The following FAM13A variants were observed in gnomAD, a reference collection of about 807,000 sequenced individuals.
FAM13A encodes family with sequence similarity 13 member A.
FAM13A carries 76 observed loss-of-function variants against 129.6 expected under a neutral mutation model. The ratio of observed to expected loss-of-function variants is 0.59; its 90% CI spans 0.49 to 0.71. The LOEUF is 0.71. Ranked by LOEUF, FAM13A falls within the 30% of genes least tolerant of loss-of-function variation. The pLI, the probability that FAM13A is intolerant of heterozygous loss-of-function variation, is 0.00. For synonymous variants in FAM13A, 443 were observed against 449.9 expected, an observed-to-expected ratio of 0.98 and a Z score of 0.20; for missense variants, 1,108 against 1,249.3, an observed-to-expected ratio of 0.89 and a Z score of 1.70.
intron 3 of FAM13A, among the ~76,000 whole-genome samples, chr4:89,013,692 A>G (rs1188271990): frequency 6.6e-6 from 1 of 152,226 alleles, no homozygotes; most frequent in African/African-American, 2.4e-5. Context: ...CCAGTCCTAT[A>G]AAAGTATAGC....
At chr4:89,035,948 A>G (rs60591238) in intron 1 of FAM13A, among the ~76,000 whole-genome samples, 21,745 of 152,184 alleles carry the variant, frequency 0.14, 1,730 homozygotes, top group Non-Finnish European at 0.18. Flanking sequence ...CCAGGTACAG[A>G]ATGATATAAT....
intron 11 of FAM13A, 129 bp downstream of exon 11, chr4:88,781,036 T>C: frequency 4.0e-6 from 2 of 496,080 alleles, no homozygotes; most frequent in Non-Finnish European, 7.0e-6. Flanking sequence ...TATATACACT[T>C]AGTAGCTCTA....
chr4:88,861,162 C>T (rs1739424101), intron 6 of FAM13A, among the ~76,000 whole-genome samples: 1 of 151,836 alleles, frequency 6.6e-6, no homozygotes. Flanking sequence ...GGGCAAATCA[C>T]CTGAGGTCAG....
At chr4:88,911,176 A>G (rs963323844) in intron 5 of FAM13A, among the ~76,000 whole-genome samples, 13 of 152,096 alleles carry the variant, frequency 8.5e-5, no homozygotes, top group Non-Finnish European at 1.3e-4. Flanking sequence ...TCCCTTTATG[A>G]TCCTTCGTTC....
At chr4:88,937,839 A>G in intron 5 of FAM13A, 1 of 544,970 alleles carries the variant, frequency 1.8e-6, no homozygotes, top group East Asian at 3.0e-5. Flanking sequence ...CACTGGGCTC[A>G]TGCAAGTGTT....
rs185409230 is a variant in FAM13A at position 88,767,519 on chromosome 4, G to A, written c.1578+34C>T. ...CACTCAAGAGTGTATGAACAGCCCC[G>A]TCACAGTCTTACTCTTGCTTGTTAG... is the stretch of plus-strand genomic sequence containing the variant. On this transcript the variant is annotated intron_variant, in intron 13 of 23. Coordinates refer to ENST00000264344, the MANE Select transcript of FAM13A (RefSeq NM_014883.4). The A allele has an allele frequency of 7.5e-4, 1,155 of 1,547,060 alleles. 4 individuals carry two copies. Among genetic ancestry groups the A allele is most frequent in the African/African-American group, 3.2e-3 (229 of 72,490 alleles).
chr4:89,035,198 G>C lies in FAM13A; in HGVS notation c.28-5549C>G, dbSNP rs569794048. 2.0e-5 allele frequency among the ~76,000 whole-genome samples: 3 copies of C among 152,164 alleles called. No homozygotes were observed. The East Asian group carries it at 5.8e-4, about 29-fold the overall frequency. ...GGGTACAGAAAAAGGGAGGAGAGAG[G>C]GAGAGGGAAAAGGGCTGAAAAAGTT... On this transcript the variant is annotated intron_variant, in intron 1 of 23. Coordinates refer to ENST00000264344, the MANE Select transcript of FAM13A (RefSeq NM_014883.4).
intron 3 of FAM13A, among the ~76,000 whole-genome samples, chr4:89,019,431 T>TCAATAATGAC (rs2149105461): frequency 6.6e-6 from 1 of 152,254 alleles, no homozygotes; most frequent in Admixed American, 6.5e-5. Context: ...GAGGGAGAAC[T>TCAATAATGAC]CAATAATGAC....
chr4:88,867,144 A>C (rs2150061203), intron 6 of FAM13A, among the ~76,000 whole-genome samples: 1 of 152,276 alleles, frequency 6.6e-6, no homozygotes, highest in African/African-American at 2.4e-5. Flanking sequence ...ATCAAGACAT[A>C]ATGTTGTTTT....
rs34007551 is a variant in FAM13A at position 88,739,786 on chromosome 4, C to CAAAAAA, written c.2467-667_2467-662dup. 8.2e-3 allele frequency among the ~76,000 whole-genome samples: 559 copies of CAAAAAA among 67,886 alleles called. 18 individuals are homozygous for CAAAAAA. Among genetic ancestry groups the CAAAAAA allele is most frequent in the African/African-American group, 0.03 (529 of 17,598 alleles). The allele number at this position is 67,886 out of a possible 152,430, so 44.5% of individuals were successfully genotyped here. ...TGGGTGACAGAGAAAGACTCTGTCTCAAAAAAAAAAAAAAAAAAAAATACA... is the reference window on the plus strand; with the variant it reads ...TGGGTGACAGAGAAAGACTCTGTCTCAAAAAAAAAAAAAAAAAAAAAAAAAAATACA... On this transcript the variant is annotated intron_variant, in intron 19 of 23. Coordinates refer to ENST00000264344, the MANE Select transcript of FAM13A (RefSeq NM_014883.4).
intron 5 of FAM13A, among the ~76,000 whole-genome samples, chr4:88,927,565 A>G (rs1752414343): frequency 6.6e-6 from 1 of 150,684 alleles, no homozygotes; most frequent in Non-Finnish European, 1.5e-5. Flanking sequence ...CAGGAGTGCT[A>G]TCTATTTCTG....
In FAM13A at chr4:88,758,779, T is replaced by G. The variant is rs780894763; in HGVS notation, c.1701A>C (p.Ala567=). ...CTTCCCAGTTCTTTTCATCACACAA[T>G]GCAGTCAGGTCCGACTGGGGCACTT... ...VSEVPQSDLT[A]LCDEKNWEEP... Residue 567 remains alanine, a synonymous_variant, in exon 14 of 24, where the codon GCA becomes GCC. Transcript: ENST00000264344. 7.4e-6 allele frequency: 12 copies of G among 1,613,870 alleles called. No individual in the cohort carries two copies. The highest frequency in any genetic ancestry group is 1.0e-5 in the Non-Finnish European group (12 of 1,179,852).
rs149146885 is a variant in FAM13A, at chr4:88,816,667, T to C, written c.1008-11615A>G. Among the ~76,000 whole-genome samples the C allele has an allele frequency of 2.7e-4, 41 of 152,318 alleles. No homozygotes were observed. The East Asian group carries it at 7.7e-3, about 29-fold the overall frequency. Reference sequence around the variant, plus strand: ...CAATAGACTCTTCCCTTTACTAAGCTTCTAATGGGGGAAAACTCCACTATT... The same window carrying C: ...CAATAGACTCTTCCCTTTACTAAGCCTCTAATGGGGGAAAACTCCACTATT... On this transcript the variant is annotated intron_variant, in intron 7 of 23. Coordinates refer to ENST00000264344, the MANE Select transcript of FAM13A (RefSeq NM_014883.4).
intron 7 of FAM13A, among the ~76,000 whole-genome samples, chr4:88,827,389 C>A (rs1462843978): frequency 3.9e-5 from 6 of 152,212 alleles, no homozygotes; most frequent in African/African-American, 1.4e-4. Context: ...CCTGACTTCA[C>A]CCCTGACAGG....
intron 3 of FAM13A, among the ~76,000 whole-genome samples, chr4:89,006,444 A>C (rs1485247841): frequency 1.3e-5 from 2 of 152,150 alleles, no homozygotes; most frequent in African/African-American, 4.8e-5. Flanking sequence ...CCTGCGCCCC[A>C]CTGTGGGACT....
At chr4:89,048,666 C>T (rs1345246102) in intron 1 of FAM13A, among the ~76,000 whole-genome samples, 5 of 152,034 alleles carry the variant, frequency 3.3e-5, no homozygotes, top group Non-Finnish European at 1.5e-5. Context: ...AGACTACTGT[C>T]GGTAGAAATA....
At chr4:88,887,780 G>A (rs1744694363) in intron 6 of FAM13A, among the ~76,000 whole-genome samples, 1 of 152,018 alleles carries the variant, frequency 6.6e-6, no homozygotes. Flanking sequence ...TGATCTGCTT[G>A]CCTTGGCCTC....
intron 3 of FAM13A, among the ~76,000 whole-genome samples, chr4:89,001,732 T>A (rs1186447314): frequency 6.6e-6 from 1 of 152,152 alleles, no homozygotes; most frequent in African/African-American, 2.4e-5. Context: ...ACAGATGGCA[T>A]CAAGATAGTG....
At chr4:88,965,057 A>T (rs1759167200) in intron 4 of FAM13A, among the ~76,000 whole-genome samples, 1 of 152,220 alleles carries the variant, frequency 6.6e-6, no homozygotes, top group Non-Finnish European at 1.5e-5. Flanking sequence ...ACAACTCTAC[A>T]TCTTTTACGT....
Sources: gnomAD v4.1 joint callset for allele counts (sites outside exome capture counted in the v4.1 genomes callset) on GRCh38, gnomAD v4.1.1 for gene constraint, MANE v1.5 for transcripts, NCBI Gene and HGNC (gene_info 2026-07-23, HGNC 2026-07-21) for gene names.